Variants in LSP1 observed in about 807,000 individuals in gnomAD.
The protein encoded by LSP1 is lymphocyte-specific protein 1.
Under a neutral mutation model 49.3 loss-of-function variants are expected in LSP1, and 32 were observed. The ratio of observed to expected loss-of-function variants is 0.65; its 90% CI spans 0.49 to 0.87. LSP1 has a LOEUF of 0.87. LSP1 is among the 40% of genes least tolerant of loss of function. The pLI, the probability that LSP1 is intolerant of heterozygous loss-of-function variation, is 0.00. For synonymous variants in LSP1, 179 were observed against 178.8 expected (o/e 1.00, Z -0.01); for missense variants, 428 against 442.6 (o/e 0.97, Z 0.30).
chr11:1,884,265 C>T lies in LSP1; in HGVS notation c.592-15C>T. ...TCGGCTGCTGCAGGCCTGTGTCTCTCTCCACCCTCTGCAGCTCATCGACAG... is the reference window on the plus strand; with the variant it reads ...TCGGCTGCTGCAGGCCTGTGTCTCTTTCCACCCTCTGCAGCTCATCGACAG... On this transcript the variant is annotated splice_polypyrimidine_tract_variant and intron_variant, in intron 5 of 10. Transcript: ENST00000311604. The surrounding 1 kb of genome is among the most constrained non-coding windows in gnomAD (Gnocchi z 4.1). 4 of 1,614,044 alleles carry T rather than the reference C, an allele frequency of 2.5e-6. No individual in the cohort carries two copies. The highest frequency in any genetic ancestry group is 3.4e-6 in the Non-Finnish European group (4 of 1,179,940).
At chr11:1,870,409 G>A (rs945466337) in intron 1 of LSP1, 3 of 1,226,436 alleles carry the variant, frequency 2.4e-6, no homozygotes, top group African/African-American at 3.1e-5. Flanking sequence ...GCTCTGCCAT[G>A]TCTTCCCTGC....
At chr11:1,883,293 C>A in intron 3 of LSP1, 126 bp from the exon 4 acceptor site, 2 of 1,212,584 alleles carry the variant, frequency 1.6e-6, no homozygotes, top group Non-Finnish European at 2.4e-6. Flanking sequence ...TCTCAGATCC[C>A]TTGGCACTCA....
intron 1 of LSP1, among the ~76,000 whole-genome samples, chr11:1,857,074 G>A (rs1847507787): frequency 6.6e-6 from 1 of 152,238 alleles, no homozygotes; most frequent in East Asian, 1.9e-4. Flanking sequence ...CCTGGGTAAG[G>A]GGTCTGAGGC....
At chr11:1,867,664 G>T (rs1280252489) in intron 1 of LSP1, among the ~76,000 whole-genome samples, 1 of 152,172 alleles carries the variant, frequency 6.6e-6, no homozygotes, top group African/African-American at 2.4e-5. Context: ...TCAGGTGCAG[G>T]GCTGGGAGAG....
chr11:1,870,730 A>G, intron 1 of LSP1: 1 of 1,004,654 alleles, frequency 1.0e-6, no homozygotes. Flanking sequence ...TTCGGGCAGC[A>G]TCTGTGGGCA....
intron 1 of LSP1, among the ~76,000 whole-genome samples, chr11:1,878,468 C>T (rs1488048898): frequency 6.7e-6 from 1 of 149,032 alleles, no homozygotes; most frequent in Non-Finnish European, 1.5e-5. Flanking sequence ...GACAGGCAGG[C>T]GGATTCGGGG....
At chr11:1,891,217 T>C (rs1848988312) in intron 10 of LSP1, 1 of 152,494 alleles carries the variant, frequency 6.6e-6, no homozygotes. Context: ...GCAGACCTCC[T>C]GTCTGGGGTG....
intron 1 of LSP1, among the ~76,000 whole-genome samples, chr11:1,867,872 A>G (rs4980391): frequency 0.82 from 121,010 of 148,348 alleles, 49,837 homozygotes; most frequent in Middle Eastern, 0.94. Context: ...CACCCAGTGC[A>G]AGCCCAGGGG....
chr11:1,873,509 G>A (rs1848132079), intron 1 of LSP1, among the ~76,000 whole-genome samples: 1 of 150,826 alleles, frequency 6.6e-6, no homozygotes. Context: ...ATGGAGGGAG[G>A]GAGGGAGGGA....
chr11:1,886,473 A>G (rs1479225000), intron 7 of LSP1, among the ~76,000 whole-genome samples: 3 of 152,138 alleles, frequency 2.0e-5, no homozygotes, highest in African/African-American at 7.2e-5. Flanking sequence ...GCCCTACCCC[A>G]TGAGGAGCAT....
At chr11:1,890,305 G>A (rs748660413) in intron 10 of LSP1, 366 of 711,518 alleles carry the variant, frequency 5.1e-4, no homozygotes, top group Non-Finnish European at 8.6e-4. Context: ...TCAGGAAGGC[G>A]TGGGGCTTCG....
At chr11:1,866,806 G>C (rs1414831389) in intron 1 of LSP1, 1 of 1,550,324 alleles carries the variant, frequency 6.5e-7, no homozygotes, top group Admixed American at 2.0e-5. Flanking sequence ...AGCCCCCGGA[G>C]GAGGGGCAGA....
chr11:1,880,092 C>A lies in LSP1; in HGVS notation c.59C>A (p.Thr20Asn), dbSNP rs1366398226. 6.2e-7 allele frequency: 1 copy of A among 1,609,508 alleles called. No homozygotes were observed. Among genetic ancestry groups the A allele is most frequent in the African/African-American group, 1.3e-5 (1 of 74,624 alleles). ...AEEREELLGPTAQWSVEDEEE... is the reference protein window; with the variant it reads ...AEEREELLGPNAQWSVEDEEE... ...CCCTCTGTGTCCCCCACTAGGCCCA[C>A]TGCTCAGTGGAGCGTGGAGGACGAG... Residue 20 changes from threonine (T) to asparagine (N), a missense_variant, in exon 2 of 11, where the codon ACT (threonine) becomes AAT (asparagine). Coordinates refer to ENST00000311604, the MANE Select transcript of LSP1 (RefSeq NM_002339.3).
intron 1 of LSP1, chr11:1,866,575 A>T (rs1194011645): frequency 4.5e-6 from 7 of 1,549,016 alleles, no homozygotes; most frequent in Non-Finnish European, 4.4e-6. Flanking sequence ...GGCACACCTC[A>T]TCCCAGCCTC....
In LSP1 at chr11:1,881,984, C is replaced by T. The variant is rs568837962; in HGVS notation, c.356+388C>T. Among the ~76,000 whole-genome samples the T allele has an allele frequency of 3.2e-4, 49 of 152,322 alleles. No individual in the cohort carries two copies. In the East Asian group the frequency reaches 8.7e-3, roughly 27 times the overall value. ...ATCAGCACACAGCTGCGGCCGCTTC[C>T]GTAATGGAGGCTGAGAGCCCGCCGC... On this transcript the variant is annotated intron_variant, in intron 3 of 10. Coordinates refer to ENST00000311604, the MANE Select transcript of LSP1 (RefSeq NM_002339.3).
rs1848865121 is a variant in LSP1 at position 1,888,888 on chromosome 11, G to A, written c.*13+1312G>A. 1.4e-5 allele frequency: 6 copies of A among 413,972 alleles called. No individual in the cohort carries two copies. The Middle Eastern group carries it at 1.8e-3, about 127-fold the overall frequency. The allele number at this position is 413,972 out of a possible 1,614,324, so 25.6% of individuals were successfully genotyped here. A position where few individuals can be genotyped will look rare whatever the true frequency, so the allele number is the denominator to read the frequency against. On this transcript the variant is annotated intron_variant, in intron 10 of 10. Coordinates refer to ENST00000311604, the MANE Select transcript of LSP1 (RefSeq NM_002339.3). ...GGCCCCCATCCTACATCCCGACGCA[G>A]ACCCCTTCTCTGTTCCCCTCACACC...
rs1391890915 is a variant in LSP1, at chr11:1,891,854, C to T, written c.*95C>T. 1 of 152,542 alleles carries T rather than the reference C, an allele frequency of 6.6e-6. No individual in the cohort carries two copies. Among genetic ancestry groups the T allele is most frequent in the African/African-American group, 2.4e-5 (1 of 41,430 alleles). The allele number at this position is 152,542 out of a possible 1,614,324, so 9.4% of individuals were successfully genotyped here. A position where few individuals can be genotyped will look rare whatever the true frequency, so the allele number is the denominator to read the frequency against. On this transcript the variant is annotated 3_prime_UTR_variant, in exon 11 of 11. Coordinates refer to ENST00000311604, the MANE Select transcript of LSP1 (RefSeq NM_002339.3). ...CCAGCCAGACACCCGCCCCCCGGCC[C>T]TGGCTAAGAAGTTGCTTCCTGTTGC...
intron 10 of LSP1, chr11:1,889,510 C>T: frequency 3.2e-6 from 2 of 620,122 alleles, no homozygotes; most frequent in Non-Finnish European, 5.9e-6. Flanking sequence ...TGCCGCGGCT[C>T]TGGGCACGGA....
In LSP1 at chr11:1,889,093, C is replaced by T. The variant is rs955256652; in HGVS notation, c.*13+1517C>T. 48 of 592,156 alleles carry T rather than the reference C, an allele frequency of 8.1e-5. No homozygotes were observed. In the African/African-American group the frequency reaches 8.6e-4, roughly 11 times the overall value. 36.7% of individuals were successfully genotyped at this position (592,156 alleles called of 1,614,324 possible). A position where few individuals can be genotyped will look rare whatever the true frequency, so the allele number is the denominator to read the frequency against. On this transcript the variant is annotated intron_variant, in intron 10 of 10. Coordinates refer to ENST00000311604, the MANE Select transcript of LSP1 (RefSeq NM_002339.3). ...TGGGCCCCCAGCTAGAGCCTCAGCCCCTTCTTCTGTCCATCCCATGGTCCT... is the reference window on the plus strand; with the variant it reads ...TGGGCCCCCAGCTAGAGCCTCAGCCTCTTCTTCTGTCCATCCCATGGTCCT...
Sources: gnomAD v4.1 joint callset for allele counts (sites outside exome capture counted in the v4.1 genomes callset) on GRCh38, gnomAD v4.1.1 for gene constraint, Gnocchi (gnomAD v3.1) non-coding constraint, MANE v1.5 for transcripts, NCBI Gene and HGNC (gene_info 2026-07-23, HGNC 2026-07-21) for gene names.